The following GMPPB variants were observed in gnomAD, a reference collection of about 807,000 sequenced individuals.
GMPPB encodes the protein GDP-mannose pyrophosphorylase B.
GMPPB carries 38 observed loss-of-function variants against 40.3 expected under a neutral mutation model. That is an observed-to-expected ratio of 0.94 (90% CI 0.73 to 1.24). GMPPB has a LOEUF of 1.24. Among genes scored for constraint, GMPPB ranks in the 50% most tolerant of loss-of-function variants. The pLI is 0.00. For missense variants in GMPPB, 436 were observed against 487.1 expected (o/e 0.90, Z 0.99); for synonymous variants, 193 against 191.8 (o/e 1.01, Z -0.05).
chr3:49,723,894 C>A lies in GMPPB; in HGVS notation c.-168G>T. On this transcript the variant is annotated 5_prime_UTR_variant, in exon 1 of 9. Coordinates refer to ENST00000308388, the MANE Select transcript of GMPPB (RefSeq NM_021971.4). The stretch of plus-strand genomic sequence containing the variant: ...CCGCCCGGTCGCCCTGACGCCGGAT[C>A]CAGGGCCGCCACAACACAGAACGCG... 1 of 703,372 alleles carries A rather than the reference C, an allele frequency of 1.4e-6. No individual in the cohort carries two copies. The highest frequency in any genetic ancestry group is 2.0e-5 in the South Asian group (1 of 49,322). 43.6% of individuals were successfully genotyped at this position (703,372 alleles called of 1,614,324 possible).
chr3:49,723,485 A>G lies in GMPPB; in HGVS notation c.130-13T>C, dbSNP rs756852893. ...GGTCCACGCCTGCCTGTCAGAACGCAGGCCGACGGGCGGGCTCAGTCAGAA... is the reference window on the plus strand; with the variant it reads ...GGTCCACGCCTGCCTGTCAGAACGCGGGCCGACGGGCGGGCTCAGTCAGAA... On this transcript the variant is annotated splice_polypyrimidine_tract_variant and intron_variant, in intron 1 of 8. Coordinates refer to ENST00000308388, the MANE Select transcript of GMPPB (RefSeq NM_021971.4). The G allele has an allele frequency of 1.5e-5, 25 of 1,613,298 alleles. No homozygotes were observed. The highest frequency in any genetic ancestry group is 6.7e-5 in the Admixed American group (4 of 60,012).
intron 4 of GMPPB, 63 bp downstream of exon 4, chr3:49,722,909 G>C: frequency 6.3e-7 from 1 of 1,575,382 alleles, no homozygotes; most frequent in Non-Finnish European, 8.7e-7. Flanking sequence ...TGAAGGCTAG[G>C]GGGCATGGGA....
rs780961444 is a variant in GMPPB at position 49,723,813 on chromosome 3, G to A, written c.-87C>T. 62 of 1,424,514 alleles carry A rather than the reference G, an allele frequency of 4.4e-5. No individual in the cohort carries two copies. Among genetic ancestry groups the A allele is most frequent in the Non-Finnish European group, 5.4e-5 (59 of 1,084,180 alleles). The allele number at this position is 1,424,514 out of a possible 1,614,324, so 88.2% of individuals were successfully genotyped here. On this transcript the variant is annotated 5_prime_UTR_variant, in exon 1 of 9. It adds an upstream start codon to the 5' untranslated region. Transcript: ENST00000308388. ...GTCCCTGCCGCGCACTCCCAACGCCGTGCCCGGCCCCGCGCCCTTCACCAA... is the reference window on the plus strand; with the variant it reads ...GTCCCTGCCGCGCACTCCCAACGCCATGCCCGGCCCCGCGCCCTTCACCAA...
intron 2 of GMPPB, 43 bp from the exon 3 acceptor site, chr3:49,723,345 G>A (rs371525780): frequency 6.2e-7 from 1 of 1,614,124 alleles, no homozygotes; most frequent in Non-Finnish European, 8.5e-7. Flanking sequence ...ACCAGGATGG[G>A]AAGTTGGGCG....
Position 49,723,067 on chromosome 3 carries a change from G to A in GMPPB, c.307C>T (p.Pro103Ser), listed in dbSNP as rs772763615. The change falls in exon 4 of 9, where the codon CCT (proline) becomes TCT (serine). Residue 103 changes from proline (P) to serine (S), a missense_variant. Pro to Ser is a moderately conservative substitution (Grantham distance 74). Transcript: ENST00000308388. Reference sequence around the variant, plus strand: ...ACGTCACTGTTGAGGACGAAGAAAGGGTCTGCAGTCTCAGAGAGTAGGTCA... The same window carrying A: ...ACGTCACTGTTGAGGACGAAGAAAGAGTCTGCAGTCTCAGAGAGTAGGTCA... ...ARDLLSETAD[P>S]FFVLNSDVIC... 3.1e-6 allele frequency: 5 copies of A among 1,613,800 alleles called. No individual in the cohort carries two copies. Among genetic ancestry groups the A allele is most frequent in the Non-Finnish European group, 4.2e-6 (5 of 1,179,852 alleles).
rs1269234206 is a variant in GMPPB at position 49,722,694 on chromosome 3, G to A, written c.463C>T (p.Arg155Cys). 1.9e-6 allele frequency: 3 copies of A among 1,613,800 alleles called. No individual in the cohort carries two copies. The highest frequency in any genetic ancestry group is 2.2e-5 in the East Asian group (1 of 44,888). The change falls in exon 5 of 9, where the codon CGC (arginine) becomes TGC (cysteine). Residue 155 changes from arginine to cysteine, a missense_variant. By Grantham distance (180) the Arg-to-Cys change is radical. Coordinates refer to ENST00000308388, the MANE Select transcript of GMPPB (RefSeq NM_021971.4). ...GVVVCEADTG[R>C]IHRFVEKPQV... is the part of the protein sequence containing the mutation. Reference sequence around the variant, plus strand: ...GGCTTCTCCACGAACCGGTGAATGCGGCCTGTGTCAGCCTCACACACCACC... The same window carrying A: ...GGCTTCTCCACGAACCGGTGAATGCAGCCTGTGTCAGCCTCACACACCACC...
rs2080403274 is a variant in GMPPB, at chr3:49,721,369, T to C, written c.*383A>G. The C allele has an allele frequency of 1.2e-6, 2 of 1,606,310 alleles. No individual in the cohort carries two copies. Among genetic ancestry groups the C allele is most frequent in the Non-Finnish European group, 1.7e-6 (2 of 1,173,304 alleles). On this transcript the variant is annotated 3_prime_UTR_variant, in exon 9 of 9. Coordinates refer to ENST00000308388, the MANE Select transcript of GMPPB (RefSeq NM_021971.4). ...AACCCAGAGCCAGGCTGGGCCCTAT[T>C]TATGAGCTCCCTTTGCCCTTCTCCT...
Position 49,722,216 on chromosome 3 carries a change from G to A in GMPPB, c.768+15C>T, listed in dbSNP as rs1388759668. 6.2e-7 allele frequency: 1 copy of A among 1,610,592 alleles called. No homozygotes were observed. Among genetic ancestry groups the A allele is most frequent in the African/African-American group, 1.3e-5 (1 of 74,874 alleles). On this transcript the variant is annotated intron_variant, in intron 7 of 8. Transcript: ENST00000308388. The stretch of plus-strand genomic sequence containing the variant: ...AGACTGAGGGGGTTAATGATGGGCT[G>A]GGCAAGGGCCTCACCACCAGCACGT...
chr3:49,721,907 C>T, intron 8 of GMPPB, 24 bp from the exon 9 acceptor site: 3 of 1,613,904 alleles, frequency 1.9e-6, no homozygotes, highest in Non-Finnish European at 2.5e-6. Flanking sequence ...TAGGCCTTGT[C>T]AGGGAGGCAG....
chr3:49,723,537 G>A (rs2080458797), intron 1 of GMPPB, 61 bp downstream of exon 1: 11 of 1,610,424 alleles, frequency 6.8e-6, no homozygotes, highest in Non-Finnish European at 8.5e-6. Context: ...ACCCCTAGTC[G>A]CTGGCCATCC....
chr3:49,723,863 C>T lies in GMPPB; in HGVS notation c.-137G>A. On this transcript the variant is annotated 5_prime_UTR_variant, in exon 1 of 9. The change creates a new upstream start codon in the 5' untranslated region. Transcript: ENST00000308388. Reference sequence around the variant, plus strand: ...ACCCGCCTGACAGACTCTGGCTCCACCTCGTCCGCCCGGTCGCCCTGACGC... The same window carrying T: ...ACCCGCCTGACAGACTCTGGCTCCATCTCGTCCGCCCGGTCGCCCTGACGC... 9.9e-7 allele frequency: 1 copy of T among 1,008,400 alleles called. No individual in the cohort carries two copies. The highest frequency in any genetic ancestry group is 2.8e-5 in the East Asian group (1 of 35,498). 62.5% of individuals were successfully genotyped at this position (1,008,400 alleles called of 1,614,324 possible).
rs543562624 is a variant in GMPPB, at chr3:49,720,759, C to T, written c.*993G>A. 4 of 1,612,178 alleles carry T rather than the reference C, an allele frequency of 2.5e-6. No individual in the cohort carries two copies. Among genetic ancestry groups the T allele is most frequent in the Non-Finnish European group, 3.4e-6 (4 of 1,178,246 alleles). ...TGGGAATATTCAAGAGGCATCACAT[C>T]CTCAGCTACCTCTGACTTGACACTA... is the stretch of plus-strand genomic sequence containing the variant. On this transcript the variant is annotated 3_prime_UTR_variant, in exon 9 of 9. Coordinates refer to ENST00000308388, the MANE Select transcript of GMPPB (RefSeq NM_021971.4).
rs760985789 is a variant in GMPPB, at chr3:49,721,899, G to A, written c.952-16C>T. 4 of 1,613,950 alleles carry A rather than the reference G, an allele frequency of 2.5e-6. No homozygotes were observed. Among genetic ancestry groups the A allele is most frequent in the Non-Finnish European group, 3.4e-6 (4 of 1,180,014 alleles). On this transcript the variant is annotated splice_polypyrimidine_tract_variant and intron_variant, in intron 8 of 8. Transcript: ENST00000308388. ...CCATGCGTACCTCCAGGAGAGGATA[G>A]GCCTTGTCAGGGAGGCAGGCACACT... is the stretch of plus-strand genomic sequence containing the variant.
rs2080463109 is a variant in GMPPB at position 49,723,810 on chromosome 3, G to A, written c.-84C>T. 2.1e-6 allele frequency: 3 copies of A among 1,424,104 alleles called. No homozygotes were observed. The highest frequency in any genetic ancestry group is 2.8e-6 in the Non-Finnish European group (3 of 1,083,218). The allele number at this position is 1,424,104 out of a possible 1,614,324, so 88.2% of individuals were successfully genotyped here. A position where few individuals can be genotyped will look rare whatever the true frequency, so the allele number is the denominator to read the frequency against. ...CCGGTCCCTGCCGCGCACTCCCAAC[G>A]CCGTGCCCGGCCCCGCGCCCTTCAC... On this transcript the variant is annotated 5_prime_UTR_variant, in exon 1 of 9. Coordinates refer to ENST00000308388, the MANE Select transcript of GMPPB (RefSeq NM_021971.4).
At chr3:49,721,936 T>TACCCCC in intron 8 of GMPPB, 29 bp downstream of exon 8, 8 of 1,584,782 alleles carry the variant, frequency 5.0e-6, no homozygotes, top group Non-Finnish European at 6.1e-6. Flanking sequence ...CCCGCCCCTC[T>TACCCCC]CCCCACCCAG....
chr3:49,723,548 C>T (rs1479829656), intron 1 of GMPPB, 50 bp downstream of exon 1: 13 of 1,609,928 alleles, frequency 8.1e-6, no homozygotes, highest in African/African-American at 4.0e-5. Flanking sequence ...CTGGCCATCC[C>T]TAGTCCCGCC....
chr3:49,721,441 A>C lies in GMPPB; in HGVS notation c.*311T>G. The stretch of plus-strand genomic sequence containing the variant: ...AACCTCCTTGCCTGCCTGTATCCTC[A>C]TTGGTGGGAGCCCAGCCATGGCCCT... On this transcript the variant is annotated 3_prime_UTR_variant, in exon 9 of 9. Coordinates refer to ENST00000308388, the MANE Select transcript of GMPPB (RefSeq NM_021971.4). 2 of 1,211,584 alleles carry C rather than the reference A, an allele frequency of 1.7e-6. No individual in the cohort carries two copies. The highest frequency in any genetic ancestry group is 2.4e-6 in the Non-Finnish European group (2 of 816,424). 75.1% of individuals were successfully genotyped at this position (1,211,584 alleles called of 1,614,324 possible).
At chr3:49,722,878 T>A (rs563660419) in intron 4 of GMPPB, 94 bp downstream of exon 4, 1 of 1,516,934 alleles carries the variant, frequency 6.6e-7, no homozygotes, top group African/African-American at 1.4e-5. Context: ...CAGCTCTGTA[T>A]CCATAACATC....
chr3:49,722,940 A>C (rs1244903611), intron 4 of GMPPB, 32 bp downstream of exon 4: 2 of 1,608,518 alleles, frequency 1.2e-6, no homozygotes. Flanking sequence ...GGAGGGTGAA[A>C]GTGTCAAGAG....
Sources: gnomAD v4.1 joint callset for allele counts on GRCh38, gnomAD v4.1.1 for gene constraint, MANE v1.5 for transcripts, NCBI Gene and HGNC (gene_info 2026-07-23, HGNC 2026-07-21) for gene names.